The following PLEKHG4B variants were observed in gnomAD, a reference collection of about 807,000 sequenced individuals.
PLEKHG4B encodes pleckstrin homology domain-containing family G member 4B.
PLEKHG4B carries 111 observed loss-of-function variants against 121.3 expected under a neutral mutation model. The observed-to-expected ratio is 0.92, with a 90% confidence interval of 0.78 to 1.07. The LOEUF (loss-of-function observed/expected upper bound fraction) is 1.07. Among genes scored for constraint, PLEKHG4B ranks in the 50% least tolerant of loss-of-function variants. The pLI, the probability that PLEKHG4B is intolerant of heterozygous loss-of-function variation, is 0.00. For missense variants in PLEKHG4B, 1,831 were observed against 1,757.8 expected (o/e 1.04, Z -0.74); for synonymous variants, 738 against 725.0 (o/e 1.02, Z -0.29).
intron 7 of PLEKHG4B, among the ~76,000 whole-genome samples, chr5:154,357 G>A (rs923243165): frequency 3.3e-5 from 5 of 152,068 alleles, no homozygotes; most frequent in African/African-American, 1.2e-4. Context: ...GCTGTCAAAA[G>A]GATGCCTGTT....
intron 2 of PLEKHG4B, among the ~76,000 whole-genome samples, chr5:129,340 C>T (rs1226594801): frequency 1.3e-5 from 2 of 152,216 alleles, no homozygotes; most frequent in Non-Finnish European, 2.9e-5. Flanking sequence ...TTTCTTTCTG[C>T]TGACGTCAGT....
intron 11 of PLEKHG4B, among the ~76,000 whole-genome samples, chr5:158,275 C>G (rs371393027): frequency 7.3e-6 from 1 of 137,872 alleles, no homozygotes; most frequent in African/African-American, 2.8e-5. Context: ...TCCATCTCCT[C>G]TCCTCCCTCT....
Position 173,999 on chromosome 5 carries a change from C to G in PLEKHG4B, c.4303C>G (p.Gln1435Glu). The G allele has an allele frequency of 2.5e-6, 4 of 1,611,092 alleles. No individual in the cohort carries two copies. The highest frequency in any genetic ancestry group is 3.4e-6 in the Non-Finnish European group (4 of 1,179,006). ...EIWFRRRRKSQDTYILQASSA... is the reference protein window; with the variant it reads ...EIWFRRRRKSEDTYILQASSA... ...TTGGTTTCGCAGGCGGCGGAAATCT[C>G]AGGACACCTACATTCTCCAAGCAAG... is the stretch of plus-strand genomic sequence containing the variant. Residue 1435 changes from glutamine to glutamate, a missense_variant, in exon 18 of 20, where the codon CAG (glutamine) becomes GAG (glutamate). Coordinates refer to ENST00000637938, the MANE Select transcript of PLEKHG4B (RefSeq NM_052909.5).
chr5:118,725 A>G lies in PLEKHG4B; in HGVS notation c.243+5277A>G, dbSNP rs114783518. Among the ~76,000 whole-genome samples, 682 of 152,252 alleles carry G rather than the reference A, an allele frequency of 4.5e-3. 7 individuals are homozygous for G. Among genetic ancestry groups the G allele is most frequent in the African/African-American group, 0.016 (662 of 41,536 alleles). On this transcript the variant is annotated intron_variant, in intron 2 of 19. Transcript: ENST00000637938. ...GAGGTTTACAATGTACTTTGCCCAG[A>G]TCTAGGGTAATAATACCTCTCAGTA...
Position 174,060 on chromosome 5 carries a change from TAGGG to T in PLEKHG4B, c.4368_4371del (p.Arg1457SerfsTer7), listed in dbSNP as rs1560954429. The T allele has an allele frequency of 6.3e-7, 1 of 1,595,634 alleles. No homozygotes were observed. The highest frequency in any genetic ancestry group is 8.5e-7 in the Non-Finnish European group (1 of 1,172,346). On this transcript the variant is annotated frameshift_variant, in exon 18 of 20. Transcript: ENST00000637938. LOFTEE classifies it high-confidence loss of function. ...GTCAAGAGTGCATGGACCGATGTCA[TAGGG>T]AGGATCCTGTGGCGGCAGGCACTAA...
In PLEKHG4B at chr5:183,938, A is replaced by T. The variant is rs1733513343; in HGVS notation, c.*1615A>T. On this transcript the variant is annotated 3_prime_UTR_variant, in exon 20 of 20. Transcript: ENST00000637938. The stretch of plus-strand genomic sequence containing the variant: ...TTTGTTGGGCCTCCAGAGAGACAGA[A>T]CCAATAGGAGATAGCTAGATATATA... 1 of 152,040 alleles carries T rather than the reference A, an allele frequency of 6.6e-6. No individual in the cohort carries two copies. Among genetic ancestry groups the T allele is most frequent in the Non-Finnish European group, 1.5e-5 (1 of 68,046 alleles). 9.4% of individuals were successfully genotyped at this position (152,040 alleles called of 1,614,324 possible).
rs1400501772 is a variant in PLEKHG4B at position 162,810 on chromosome 5, C to T, written c.2738C>T (p.Thr913Ile). The T allele has an allele frequency of 6.6e-7, 1 of 1,504,930 alleles. No homozygotes were observed. Among genetic ancestry groups the T allele is most frequent in the East Asian group, 2.4e-5 (1 of 41,856 alleles). 93.2% of individuals were successfully genotyped at this position (1,504,930 alleles called of 1,614,324 possible). A position where few individuals can be genotyped will look rare whatever the true frequency, so the allele number is the denominator to read the frequency against. Reference sequence around the variant, plus strand: ...TTGAGGAGCTGTCACCAGGAGGCTACCTCGGTGGCTGCAGAGGCCTTCCCC... The same window carrying T: ...TTGAGGAGCTGTCACCAGGAGGCTATCTCGGTGGCTGCAGAGGCCTTCCCC... ...ECLRSCHQEA[T>I]SVAAEAFPGA... The change falls in exon 13 of 20, where the codon ACC (threonine) becomes ATC (isoleucine). Residue 913 changes from threonine to isoleucine, a missense_variant. Physicochemically the swap from Thr to Ile is moderately conservative, Grantham distance 89. Coordinates refer to ENST00000637938, the MANE Select transcript of PLEKHG4B (RefSeq NM_052909.5).
At chr5:145,076 G>A (rs571888980) in intron 6 of PLEKHG4B, among the ~76,000 whole-genome samples, 156 bp downstream of exon 6, 1 of 152,224 alleles carries the variant, frequency 6.6e-6, no homozygotes, top group Non-Finnish European at 1.5e-5. Context: ...TCCTTCTTGG[G>A]GTCTTCCCAG....
At chr5:119,142 G>A (rs187314720) in intron 2 of PLEKHG4B, among the ~76,000 whole-genome samples, 8 of 152,148 alleles carry the variant, frequency 5.3e-5, no homozygotes, top group Non-Finnish European at 8.8e-5. Flanking sequence ...TTACAGGTGT[G>A]CGCCACCATG....
At chr5:168,616 T>G (rs1419704586) in intron 13 of PLEKHG4B, among the ~76,000 whole-genome samples, 1 of 152,198 alleles carries the variant, frequency 6.6e-6, no homozygotes, top group East Asian at 1.9e-4. Flanking sequence ...AGAAACCTTA[T>G]GTTCAGAGTT....
At chr5:138,340 A>G (rs1735046427) in intron 2 of PLEKHG4B, among the ~76,000 whole-genome samples, 1 of 152,188 alleles carries the variant, frequency 6.6e-6, no homozygotes, top group African/African-American at 2.4e-5. Context: ...CCCTTGCGTG[A>G]AGTTTGAGCT....
Position 163,433 on chromosome 5 carries a change from A to G in PLEKHG4B, c.3361A>G (p.Lys1121Glu). Reference sequence around the variant, plus strand: ...GGTAACCAGCACTGTAGCCACAGAGAAGAAGCTCCCGCTGTGGCAGCATGC... The same window carrying G: ...GGTAACCAGCACTGTAGCCACAGAGGAGAAGCTCCCGCTGTGGCAGCATGC... ...LEVTSTVATEKKLPLWQHARS... is the reference protein window; with the variant it reads ...LEVTSTVATEEKLPLWQHARS... The change falls in exon 13 of 20, where the codon AAG becomes GAG. Residue 1121 changes from lysine (K) to glutamate (E), a missense_variant. Physicochemically the swap from Lys to Glu is moderately conservative, Grantham distance 56. Transcript: ENST00000637938. 1 of 1,613,012 alleles carries G rather than the reference A, an allele frequency of 6.2e-7. No individual in the cohort carries two copies. Among genetic ancestry groups the G allele is most frequent in the Non-Finnish European group, 8.5e-7 (1 of 1,180,042 alleles).
At chr5:109,217 C>T (rs1465447039) in intron 1 of PLEKHG4B, among the ~76,000 whole-genome samples, 2 of 151,890 alleles carry the variant, frequency 1.3e-5, no homozygotes, top group Non-Finnish European at 2.9e-5. Context: ...TGGTGAAACC[C>T]CATCTCTACT....
rs554057982 is a variant in PLEKHG4B, at chr5:172,890, T to A, written c.4051-7T>A. On this transcript the variant is annotated splice_polypyrimidine_tract_variant and splice_region_variant and intron_variant, in intron 16 of 19. Transcript: ENST00000637938. ...TGGATGAAATCCACCTGTGTGTTCC[T>A]CTGCAGGTGAATTTGAAGGAACAGG... The A allele has an allele frequency of 1.9e-5, 30 of 1,614,138 alleles. No homozygotes were observed. In the Admixed American group the frequency reaches 3.5e-4, roughly 19 times the overall value.
At chr5:142,279 C>G (rs567592589) in intron 3 of PLEKHG4B, among the ~76,000 whole-genome samples, 48 of 152,250 alleles carry the variant, frequency 3.2e-4, no homozygotes, top group African/African-American at 1.1e-3. Context: ...AAAAGACACA[C>G]ACAATCTTGC....
At chr5:132,605 A>G (rs953862289) in intron 2 of PLEKHG4B, among the ~76,000 whole-genome samples, 14 of 152,184 alleles carry the variant, frequency 9.2e-5, no homozygotes, top group Non-Finnish European at 1.8e-4. Flanking sequence ...TTGTTCTTCT[A>G]CATGTGGCTA....
intron 1 of PLEKHG4B, among the ~76,000 whole-genome samples, chr5:93,272 A>C (rs7716917): frequency 0.13 from 19,452 of 152,104 alleles, 2,967 homozygotes; most frequent in African/African-American, 0.37. Flanking sequence ...AAGAGATTTA[A>C]TGTAAATCTT....
Position 162,944 on chromosome 5 carries a change from C to T in PLEKHG4B, c.2872C>T (p.Leu958Phe). 6.4e-7 allele frequency: 1 copy of T among 1,555,760 alleles called. No homozygotes were observed. The change falls in exon 13 of 20, where the codon CTT (leucine) becomes TTT (phenylalanine). Residue 958 changes from leucine (L) to phenylalanine (F), a missense_variant. Coordinates refer to ENST00000637938, the MANE Select transcript of PLEKHG4B (RefSeq NM_052909.5). ...GACCCGGCTCCGTCTGGAAGAGGCC[C>T]TTTCTGAGGCTGCCCCAGACCCCAG... ...PQTRLRLEEA[L>F]SEAAPDPSLP...
In PLEKHG4B at chr5:159,956, G is replaced by T. The variant is rs1348385956; in HGVS notation, c.2488-1827G>T. The stretch of plus-strand genomic sequence containing the variant: ...CTGCTCTCTGCCCACCGTGCTGAGT[G>T]TTACGCCTTGGAAGATGCTTGCAGG... On this transcript the variant is annotated intron_variant, in intron 11 of 19. Transcript: ENST00000637938. The surrounding 1 kb of genome is among the most constrained non-coding windows in gnomAD (Gnocchi z 5.5). Among the ~76,000 whole-genome samples the T allele has an allele frequency of 6.6e-6, 1 of 152,196 alleles. No individual in the cohort carries two copies. Among genetic ancestry groups the T allele is most frequent in the African/African-American group, 2.4e-5 (1 of 41,458 alleles).
Sources: gnomAD v4.1 joint callset for allele counts (sites outside exome capture counted in the v4.1 genomes callset) on GRCh38, gnomAD v4.1.1 for gene constraint, Gnocchi (gnomAD v3.1) non-coding constraint, MANE v1.5 for transcripts, NCBI Gene and HGNC (gene_info 2026-07-23, HGNC 2026-07-21) for gene names.